ANKRD12: variants seen among roughly 807,000 people sequenced by gnomAD.
The protein encoded by ANKRD12 is ankyrin repeat domain-containing protein 12.
ANKRD12 carries 85 observed loss-of-function variants against 183.4 expected under a neutral mutation model. The observed-to-expected ratio is 0.46, with a 90% CI of 0.39 to 0.56. ANKRD12 has a LOEUF of 0.56. ANKRD12 is among the 20% of genes least tolerant of loss of function. The probability of loss-of-function intolerance (pLI) is 0.00; values close to 1 mark genes in which losing one functional copy is unlikely to be tolerated. For missense variants in ANKRD12, 2,405 were observed against 2,357.1 expected, an observed-to-expected ratio of 1.02 and a Z score of -0.42; for synonymous variants, 914 against 800.2, an observed-to-expected ratio of 1.14 and a Z score of -2.40.
intron 10 of ANKRD12, among the ~76,000 whole-genome samples, chr18:9,264,143 G>T (rs1254695196): frequency 2.0e-5 from 3 of 152,154 alleles, no homozygotes; most frequent in Non-Finnish European, 4.4e-5. Flanking sequence ...TGTTGAATTT[G>T]TAGAACTATA....
At chr18:9,184,991 C>T in intron 2 of ANKRD12, among the ~76,000 whole-genome samples, 1 of 152,172 alleles carries the variant, frequency 6.6e-6, no homozygotes, top group Non-Finnish European at 1.5e-5. Context: ...GAGAATGCTA[C>T]TTAACAGGTT....
intron 12 of ANKRD12, 64 bp from the exon 13 acceptor site, chr18:9,280,877 A>T: frequency 6.6e-7 from 1 of 1,512,204 alleles, no homozygotes; most frequent in Non-Finnish European, 9.0e-7. Flanking sequence ...ACTGGATGAG[A>T]TTAATTTTTA....
chr18:9,198,591 C>T (rs1442177806), intron 3 of ANKRD12, among the ~76,000 whole-genome samples: 1 of 152,034 alleles, frequency 6.6e-6, no homozygotes, highest in Non-Finnish European at 1.5e-5. Context: ...ACTCTGTCGC[C>T]CAGGCTGGAG....
At chr18:9,252,818 T>C (rs763564373) in intron 8 of ANKRD12, among the ~76,000 whole-genome samples, 13 of 152,174 alleles carry the variant, frequency 8.5e-5, no homozygotes, top group African/African-American at 3.1e-4. Flanking sequence ...ACAAAAAATA[T>C]TCTGAAACAC....
Position 9,254,937 on chromosome 18 carries a change from C to A in ANKRD12, c.1670C>A (p.Pro557Gln). Residue 557 changes from proline (P) to glutamine (Q), a missense_variant, in exon 9 of 13, where the codon CCA (proline) becomes CAA (glutamine). Physicochemically the swap from Pro to Gln is moderately conservative, Grantham distance 76. Transcript: ENST00000262126. ...SCGLSEKQST[P>Q]LKQEHTKTCL... ...GGATTAAGTGAAAAACAGTCAACAC[C>A]ACTAAAACAAGAACATACTAAAACA... 1 of 1,593,334 alleles carries A rather than the reference C, an allele frequency of 6.3e-7. No homozygotes were observed. The highest frequency in any genetic ancestry group is 8.5e-7 in the Non-Finnish European group (1 of 1,172,706).
At position 9,196,189 on chromosome 18, in the gene ANKRD12, TACACACACACACAC is replaced by T. The variant is rs34220366; in HGVS notation, c.235+512_235+525del. On this transcript the variant is annotated intron_variant, in intron 3 of 12. Transcript: ENST00000262126. Reference sequence around the variant, plus strand: ...GCCTCAGTGCTTTTCATAGAATTTTTACACACACACACACACACACACACACACACACACTGAGG... The same window carrying T: ...GCCTCAGTGCTTTTCATAGAATTTTTACACACACACACACACACACTGAGG... Among the ~76,000 whole-genome samples the T allele has an allele frequency of 1.9e-4, 10 of 51,616 alleles. No individual in the cohort carries two copies. The South Asian group carries it at 2.4e-3, about 13-fold the overall frequency. 33.9% of individuals were successfully genotyped at this position (51,616 alleles called of 152,430 possible). A position where few individuals can be genotyped will look rare whatever the true frequency, so the allele number is the denominator to read the frequency against.
At chr18:9,215,001 G>A (rs2036013206) in intron 6 of ANKRD12, among the ~76,000 whole-genome samples, 1 of 152,070 alleles carries the variant, frequency 6.6e-6, no homozygotes, top group Non-Finnish European at 1.5e-5. Context: ...GCAAAGGATG[G>A]TTTAATAATT....
chr18:9,277,756 A>T (rs1397503711), intron 11 of ANKRD12, among the ~76,000 whole-genome samples: 2 of 137,704 alleles, frequency 1.5e-5, no homozygotes, highest in Non-Finnish European at 3.3e-5. Context: ...GATAAGATTT[A>T]AAATAGATGA....
At chr18:9,241,349 T>C (rs1298178320) in intron 8 of ANKRD12, among the ~76,000 whole-genome samples, 4 of 152,150 alleles carry the variant, frequency 2.6e-5, no homozygotes, top group Non-Finnish European at 4.4e-5. Context: ...TAAATAGTAT[T>C]TTATTTTTGT....
chr18:9,216,858 T>C lies in ANKRD12; in HGVS notation c.753T>C (p.Asp251=). The C allele has an allele frequency of 6.2e-7, 1 of 1,613,628 alleles. No individual in the cohort carries two copies. Among genetic ancestry groups the C allele is most frequent in the Non-Finnish European group, 8.5e-7 (1 of 1,179,686 alleles). ...ATGTTAACACACAAGGATTAGATGA[T>C]GACACTCCACTCCATGATTCTGCTA... ...GADVNTQGLD[D]DTPLHDSASS... Residue 251 remains aspartate (D), a synonymous_variant, in exon 7 of 13, where the codon GAT becomes GAC. Coordinates refer to ENST00000262126, the MANE Select transcript of ANKRD12 (RefSeq NM_015208.5).
chr18:9,254,655 C>A lies in ANKRD12; in HGVS notation c.1388C>A (p.Ser463Ter). The A allele has an allele frequency of 6.4e-7, 1 of 1,557,308 alleles. No homozygotes were observed. Among genetic ancestry groups the A allele is most frequent in the South Asian group, 1.3e-5 (1 of 79,920 alleles). ...CAAACCAAAAAGGAATATGTAGTTT[C>A]AGGTGAACACAAACAGAAAGGCAAA... Reference protein sequence around the residue: ...DMQTKKEYVVSGEHKQKGKVK... With the variant: ...DMQTKKEYVV Residue 463 changes from serine to a stop codon, truncating the protein, a stop_gained, in exon 9 of 13, where the codon TCA (serine) becomes TAA (stop). Transcript: ENST00000262126. LOFTEE classifies it high-confidence loss of function.
chr18:9,202,612 A>G (rs2035240277), intron 3 of ANKRD12, among the ~76,000 whole-genome samples: 1 of 152,234 alleles, frequency 6.6e-6, no homozygotes, highest in Non-Finnish European at 1.5e-5. Flanking sequence ...GTTTTAAAAT[A>G]CAAGTGTCAC....
intron 8 of ANKRD12, among the ~76,000 whole-genome samples, chr18:9,222,545 A>G (rs2144759254): frequency 6.6e-6 from 1 of 151,468 alleles, no homozygotes; most frequent in South Asian, 2.1e-4. Context: ...AGTCGTCTTT[A>G]TATAAAAGGG....
intron 1 of ANKRD12, among the ~76,000 whole-genome samples, chr18:9,167,004 T>C (rs1568242743): frequency 6.6e-6 from 1 of 152,196 alleles, no homozygotes; most frequent in Non-Finnish European, 1.5e-5. Flanking sequence ...TTTTCTCAGG[T>C]TTGTCAAAGA....
At chr18:9,140,889 G>A (rs1370089948) in intron 1 of ANKRD12, among the ~76,000 whole-genome samples, 3 of 152,132 alleles carry the variant, frequency 2.0e-5, no homozygotes, top group African/African-American at 7.2e-5. Context: ...TGTGTTTTAA[G>A]TGAAACATTT....
intron 3 of ANKRD12, among the ~76,000 whole-genome samples, chr18:9,196,360 T>C (rs915512717): frequency 4.0e-4 from 61 of 152,198 alleles, no homozygotes; most frequent in African/African-American, 1.5e-3. Flanking sequence ...TCTAATAAAT[T>C]ACTAGGTTGT....
intron 8 of ANKRD12, among the ~76,000 whole-genome samples, chr18:9,230,189 G>T (rs2036961912): frequency 6.6e-6 from 1 of 152,068 alleles, no homozygotes; most frequent in Admixed American, 6.6e-5. Context: ...CAGATTTTCT[G>T]TTACTTTCTG....
chr18:9,258,788 C>T lies in ANKRD12; in HGVS notation c.5521C>T (p.His1841Tyr), dbSNP rs777970671. 6 of 1,613,740 alleles carry T rather than the reference C, an allele frequency of 3.7e-6. No individual in the cohort carries two copies. Among genetic ancestry groups the T allele is most frequent in the Non-Finnish European group, 5.1e-6 (6 of 1,179,838 alleles). Residue 1841 changes from histidine to tyrosine, a missense_variant, in exon 9 of 13, where the codon CAC becomes TAC. By Grantham distance (83) the His-to-Tyr change is moderately conservative. Coordinates refer to ENST00000262126, the MANE Select transcript of ANKRD12 (RefSeq NM_015208.5). Reference sequence around the variant, plus strand: ...AGCAAATCCATATTTTGAATACTTGCACATAAGGAAAAAAATAGAAGAAAA... The same window carrying T: ...AGCAAATCCATATTTTGAATACTTGTACATAAGGAAAAAAATAGAAGAAAA... Reference protein sequence around the residue: ...ERANPYFEYLHIRKKIEEKRK... With the variant: ...ERANPYFEYLYIRKKIEEKRK...
At chr18:9,150,283 G>GT (rs903813575) in intron 1 of ANKRD12, among the ~76,000 whole-genome samples, 6 of 151,968 alleles carry the variant, frequency 3.9e-5, no homozygotes, top group Non-Finnish European at 5.9e-5. Context: ...CTTTTATCTC[G>GT]TTTCGTCTAC....
Sources: allele counts gnomAD v4.1 joint callset (sites outside exome capture counted in the v4.1 genomes callset), GRCh38; gene constraint gnomAD v4.1.1; transcripts MANE v1.5; gene names NCBI Gene and HGNC (gene_info 2026-07-23, HGNC 2026-07-21).